The following PHF14 variants were observed in gnomAD, a reference collection of about 807,000 sequenced individuals.
PHF14 encodes PHD finger protein 14.
Under a neutral mutation model 117.9 loss-of-function variants are expected in PHF14, and 55 were observed. That is an observed-to-expected ratio of 0.47 (90% confidence interval 0.38 to 0.58). The LOEUF (loss-of-function observed/expected upper bound fraction) is 0.58. Among genes scored for constraint, PHF14 ranks in the 20% least tolerant of loss-of-function variants. The pLI is 0.00. For synonymous variants in PHF14, 409 were observed against 368.6 expected, an observed-to-expected ratio of 1.11 and a Z score of -1.26; for missense variants, 978 against 1,122.2, an observed-to-expected ratio of 0.87 and a Z score of 1.84.
intron 13 of PHF14, among the ~76,000 whole-genome samples, chr7:11,047,623 C>G (rs1250892452): frequency 1.3e-5 from 2 of 150,244 alleles, no homozygotes; most frequent in Middle Eastern, 3.2e-3. Flanking sequence ...CCTGTCTCTA[C>G]TAAAAATACA....
At chr7:10,975,531 G>C (rs1014825925) in intron 2 of PHF14, among the ~76,000 whole-genome samples, 8 of 152,008 alleles carry the variant, frequency 5.3e-5, no homozygotes, top group African/African-American at 1.9e-4. Flanking sequence ...TTTAAAGGTC[G>C]TATATTCACA....
chr7:11,152,067 G>C (rs1394764610), intron 17 of PHF14, among the ~76,000 whole-genome samples: 1 of 152,170 alleles, frequency 6.6e-6, no homozygotes, highest in African/African-American at 2.4e-5. Flanking sequence ...TCTTCAGGTA[G>C]CAGAACTGTC....
chr7:11,018,001 C>T (rs6973733), intron 5 of PHF14, among the ~76,000 whole-genome samples: 2,290 of 152,242 alleles, frequency 0.015, 46 homozygotes, highest in African/African-American at 0.053. Context: ...TTTTCCAGCA[C>T]CATTTGTTGA....
chr7:10,991,733 T>G (rs1782458971), intron 4 of PHF14, among the ~76,000 whole-genome samples: 1 of 149,066 alleles, frequency 6.7e-6, no homozygotes, highest in Non-Finnish European at 1.5e-5. Flanking sequence ...TTCTTGTTTG[T>G]TTTTTTTTAA....
intron 14 of PHF14, among the ~76,000 whole-genome samples, chr7:11,058,935 TAA>T (rs199973155): frequency 0.05 from 7,576 of 152,210 alleles, 253 homozygotes; most frequent in Non-Finnish European, 0.078. Context: ...ATTTTTATAA[TAA>T]GTTTATTTTT....
intron 17 of PHF14, among the ~76,000 whole-genome samples, chr7:11,141,100 A>G (rs994270471): frequency 2.6e-5 from 4 of 152,092 alleles, no homozygotes; most frequent in African/African-American, 9.7e-5. Flanking sequence ...CTGAGTTTAC[A>G]TTTCCTCATC....
intron 6 of PHF14, among the ~76,000 whole-genome samples, chr7:11,027,928 T>G (rs1783980720): frequency 6.6e-6 from 1 of 152,178 alleles, no homozygotes; most frequent in Non-Finnish European, 1.5e-5. Context: ...AACTTGTCTT[T>G]ACTTTAATTT....
intron 17 of PHF14, among the ~76,000 whole-genome samples, chr7:11,154,581 T>G (rs1788789476): frequency 6.6e-6 from 1 of 152,160 alleles, no homozygotes; most frequent in Admixed American, 6.6e-5. Context: ...CTACCTAGAT[T>G]CCCAATATTG....
chr7:11,041,111 T>G (rs1352970829), intron 12 of PHF14, among the ~76,000 whole-genome samples: 2 of 152,056 alleles, frequency 1.3e-5, no homozygotes, highest in Non-Finnish European at 2.9e-5. Context: ...TTGTAGAGTT[T>G]GTTTTTTAGA....
chr7:11,007,078 G>A (rs1029793779), intron 4 of PHF14, among the ~76,000 whole-genome samples: 3 of 152,068 alleles, frequency 2.0e-5, no homozygotes, highest in African/African-American at 4.8e-5. Context: ...TTGGGAGGCT[G>A]AGGCAGGAGA....
chr7:11,051,231 C>T (rs1169490713), intron 13 of PHF14, among the ~76,000 whole-genome samples: 2 of 151,198 alleles, frequency 1.3e-5, no homozygotes, highest in Non-Finnish European at 2.9e-5. Flanking sequence ...TTTGTGAAGA[C>T]AGTCTCTCAC....
intron 17 of PHF14, among the ~76,000 whole-genome samples, chr7:11,144,384 A>G (rs1221849642): frequency 6.6e-6 from 1 of 151,846 alleles, no homozygotes; most frequent in African/African-American, 2.4e-5. Context: ...AAAGGAAAAT[A>G]AATTAGTATA....
intron 14 of PHF14, among the ~76,000 whole-genome samples, chr7:11,055,892 T>C (rs1297744769): frequency 6.6e-6 from 1 of 152,208 alleles, no homozygotes; most frequent in Non-Finnish European, 1.5e-5. Context: ...TCAGTTCTAC[T>C]GAAGTGACTA....
At chr7:10,992,611 CGA>C (rs980973488) in intron 4 of PHF14, among the ~76,000 whole-genome samples, 1 of 151,778 alleles carries the variant, frequency 6.6e-6, no homozygotes, top group African/African-American at 2.4e-5. Flanking sequence ...TGCAGTGAGC[CGA>C]GATGGTGCCA....
intron 14 of PHF14, among the ~76,000 whole-genome samples, chr7:11,057,461 G>A (rs1479998205): frequency 6.6e-6 from 1 of 151,956 alleles, no homozygotes; most frequent in Non-Finnish European, 1.5e-5. Context: ...TGCAACCTCC[G>A]CCTCCCAGGA....
chr7:11,136,807 C>T (rs1453044951), intron 17 of PHF14, among the ~76,000 whole-genome samples: 4 of 152,082 alleles, frequency 2.6e-5, no homozygotes, highest in African/African-American at 2.4e-5. Context: ...TTTAGTTAGA[C>T]ATTAAGACCA....
At chr7:11,098,193 C>G (rs1210731405) in intron 16 of PHF14, among the ~76,000 whole-genome samples, 2 of 152,074 alleles carry the variant, frequency 1.3e-5, no homozygotes, top group South Asian at 4.1e-4. Context: ...TGATTCTGTT[C>G]AAAACATTTA....
chr7:11,104,383 C>T, intron 16 of PHF14: 6 of 958,806 alleles, frequency 6.3e-6, no homozygotes, highest in Non-Finnish European at 6.2e-6. Context: ...AGAATACTTT[C>T]TCCTAATAAT....
chr7:11,145,455 C>A (rs1472312912), intron 17 of PHF14, among the ~76,000 whole-genome samples: 1 of 152,000 alleles, frequency 6.6e-6, no homozygotes, highest in African/African-American at 2.4e-5. Flanking sequence ...TGAAAATGAG[C>A]AAATCTCCAA....
Sources: allele counts gnomAD v4.1 joint callset (sites outside exome capture counted in the v4.1 genomes callset), GRCh38; gene constraint gnomAD v4.1.1; transcripts MANE v1.5; gene names NCBI Gene and HGNC (gene_info 2026-07-23, HGNC 2026-07-21).